The following CCDC3 variants were observed in gnomAD, a reference collection of about 807,000 sequenced individuals.
CCDC3 encodes the protein coiled-coil domain containing 3, also known as coiled-coil domain-containing protein 3.
Under a neutral mutation model 21.4 loss-of-function variants are expected in CCDC3, and 24 were observed. The observed-to-expected ratio is 1.12, with a 90% CI of 0.81 to 1.58. CCDC3 has a LOEUF of 1.58. Ranked by LOEUF, CCDC3 falls within the 40% of genes most tolerant of loss-of-function variation. CCDC3 has a pLI of 0.00. For missense variants in CCDC3, 425 were observed against 360.9 expected, an observed-to-expected ratio of 1.18 and a Z score of -1.44; for synonymous variants, 186 against 166.0, an observed-to-expected ratio of 1.12 and a Z score of -0.93.
rs185000487 is a variant in CCDC3 at position 13,040,442 on chromosome 10, C to A, written c.-2+9232G>T. Reference sequence around the variant, plus strand: ...AGCTGGGGCTAGATGCGGTGGCTCGCGCCTGTAATCCCAGCACTTTAGGAG... The same window carrying A: ...AGCTGGGGCTAGATGCGGTGGCTCGAGCCTGTAATCCCAGCACTTTAGGAG... On this transcript the variant is annotated intron_variant, in intron 5 of 6. Transcript: ENST00000378839. Among the ~76,000 whole-genome samples, 304 of 152,212 alleles carry A rather than the reference C, an allele frequency of 2.0e-3. 4 individuals are homozygous for A. The highest frequency in any genetic ancestry group is 6.4e-3 in the African/African-American group (267 of 41,522).
At chr10:13,000,166 A>G (rs1835824615) in intron 1 of CCDC3, among the ~76,000 whole-genome samples, 1 of 152,226 alleles carries the variant, frequency 6.6e-6, no homozygotes, top group African/African-American at 2.4e-5. Context: ...CCAGACTGGG[A>G]AAACGAACTA....
At chr10:12,900,622 C>T (rs368053565) in intron 2 of CCDC3, among the ~76,000 whole-genome samples, 4 of 136,584 alleles carry the variant, frequency 2.9e-5, no homozygotes, top group African/African-American at 1.1e-4. Flanking sequence ...ACCTGGGAGG[C>T]GGAGCTTGCA....
At chr10:12,953,311 C>CA (rs2131250160) in intron 2 of CCDC3, among the ~76,000 whole-genome samples, 1 of 152,272 alleles carries the variant, frequency 6.6e-6, no homozygotes, top group Non-Finnish European at 1.5e-5. Flanking sequence ...AATCACCTCC[C>CA]ACCAGGTCCC....
intron 4 of CCDC3, chr10:13,073,776 G>C (rs61851395): frequency 0.21 from 32,312 of 151,742 alleles, 3,968 homozygotes; most frequent in East Asian, 0.31. Flanking sequence ...CATGAGCCAC[G>C]GTGGCCTGCC....
intron 3 of CCDC3, among the ~76,000 whole-genome samples, chr10:13,094,340 C>T (rs770884446): frequency 5.3e-5 from 8 of 151,906 alleles, no homozygotes; most frequent in Non-Finnish European, 8.8e-5. Flanking sequence ...CTCACTGCAA[C>T]CTCCACCTCC....
chr10:13,073,851 C>T (rs369247352), intron 4 of CCDC3: 2 of 152,080 alleles, frequency 1.3e-5, no homozygotes, highest in East Asian at 3.9e-4. Context: ...CCCAACAGGT[C>T]TACCATTCCA....
intron 5 of CCDC3, among the ~76,000 whole-genome samples, chr10:13,007,394 A>C (rs995540977): frequency 2.6e-5 from 4 of 152,220 alleles, no homozygotes; most frequent in African/African-American, 9.6e-5. Flanking sequence ...CACCTCTAGA[A>C]GTATATTAAA....
At chr10:13,026,194 A>C (rs908932264) in intron 5 of CCDC3, among the ~76,000 whole-genome samples, 8 of 152,148 alleles carry the variant, frequency 5.3e-5, no homozygotes, top group African/African-American at 1.4e-4. Context: ...ATAAATAAAA[A>C]TAAATAATTT....
At chr10:13,074,967 G>T (rs1310684308) in intron 3 of CCDC3, among the ~76,000 whole-genome samples, 4 of 152,156 alleles carry the variant, frequency 2.6e-5, no homozygotes, top group Non-Finnish European at 5.9e-5. Context: ...GTTTTCCAAA[G>T]AGGACCCGGT....
At chr10:13,058,249 G>T in intron 4 of CCDC3, 1 of 1,376,108 alleles carries the variant, frequency 7.3e-7, no homozygotes. Context: ...CCAAATAGCA[G>T]GTAAAGGCAC....
At position 13,059,034 on chromosome 10, in the gene CCDC3, A is replaced by T. The variant is rs534301816; in HGVS notation, c.-269-9093T>A. 3.3e-5 allele frequency among the ~76,000 whole-genome samples: 5 copies of T among 152,376 alleles called. No homozygotes were observed. In the East Asian group the frequency reaches 9.6e-4, roughly 29 times the overall value. ...ACAGGAAATACTGATGGAAGGACAG[A>T]TGAGAAACAGGGAGGAAGGGAGTGT... On this transcript the variant is annotated intron_variant, in intron 4 of 6. Coordinates refer to the CCDC3 transcript ENST00000378839.
Position 12,912,343 on chromosome 10 carries a change from T to TA in CCDC3, c.550-13665dup, listed in dbSNP as rs747759023. Among the ~76,000 whole-genome samples, 57 of 152,360 alleles carry TA rather than the reference T, an allele frequency of 3.7e-4. No individual in the cohort carries two copies. The South Asian group carries it at 6.4e-3, about 17-fold the overall frequency. Reference sequence around the variant, plus strand: ...CTAACGGGTGTGAGATGATATCTCATATTCATTTTAATTTGCGTGTCCCTG... The same window carrying TA: ...CTAACGGGTGTGAGATGATATCTCATAATTCATTTTAATTTGCGTGTCCCTG... On this transcript the variant is annotated intron_variant, in intron 2 of 2. Coordinates refer to ENST00000378825, the MANE Select transcript of CCDC3 (RefSeq NM_031455.4).
At chr10:12,960,265 C>G (rs1835161509) in intron 2 of CCDC3, among the ~76,000 whole-genome samples, 1 of 152,056 alleles carries the variant, frequency 6.6e-6, no homozygotes, top group Admixed American at 6.6e-5. Context: ...TTTTGAGTAT[C>G]TTTTGTGTTT....
chr10:12,911,616 C>T (rs975892733), intron 2 of CCDC3, among the ~76,000 whole-genome samples: 1 of 152,162 alleles, frequency 6.6e-6, no homozygotes, highest in African/African-American at 2.4e-5. Flanking sequence ...AATATGTGTA[C>T]ACTGACATGG....
chr10:13,064,048 C>G (rs1283396562), intron 4 of CCDC3, among the ~76,000 whole-genome samples: 1 of 152,174 alleles, frequency 6.6e-6, no homozygotes, highest in Non-Finnish European at 1.5e-5. Flanking sequence ...CTGCCTCAGC[C>G]TCCCAAGTAG....
At chr10:12,967,600 T>C (rs115279518) in intron 2 of CCDC3, among the ~76,000 whole-genome samples, 1 of 151,988 alleles carries the variant, frequency 6.6e-6, no homozygotes, top group East Asian at 1.9e-4. Flanking sequence ...GACAGGTTAT[T>C]TGAAAATATG....
At chr10:13,098,257 C>T (rs1375381787) in intron 3 of CCDC3, among the ~76,000 whole-genome samples, 1 of 152,162 alleles carries the variant, frequency 6.6e-6, no homozygotes, top group Non-Finnish European at 1.5e-5. Flanking sequence ...ACCTTCTTCT[C>T]TTGGCTCTGA....
chr10:13,091,366 T>G (rs534331334), intron 3 of CCDC3, among the ~76,000 whole-genome samples: 1 of 152,244 alleles, frequency 6.6e-6, no homozygotes, highest in East Asian at 1.9e-4. Context: ...AGTGCCCTCA[T>G]GAAAGAGACC....
intron 2 of CCDC3, among the ~76,000 whole-genome samples, chr10:12,989,701 C>T (rs111438500): frequency 0.033 from 5,059 of 152,202 alleles, 96 homozygotes; most frequent in Non-Finnish European, 0.041. Context: ...GGATTACAGG[C>T]GTGAGCCACT....
Sources: gnomAD v4.1 joint callset for allele counts (sites outside exome capture counted in the v4.1 genomes callset) on GRCh38, gnomAD v4.1.1 for gene constraint, MANE v1.5 for transcripts, NCBI Gene and HGNC (gene_info 2026-07-23, HGNC 2026-07-21) for gene names.